The following ZNF569 variants were observed in gnomAD, a reference collection of about 807,000 sequenced individuals.
ZNF569 encodes the protein DNA-binding protein.
ZNF569 carries 38 observed loss-of-function variants against 56.3 expected under a neutral mutation model. That is an observed-to-expected ratio of 0.68 (90% CI 0.52 to 0.88). ZNF569 has a LOEUF of 0.88. Ranked by LOEUF, ZNF569 falls within the 40% of genes least tolerant of loss-of-function variation. The pLI is 0.00. For synonymous variants in ZNF569, 241 were observed against 262.9 expected (o/e 0.92, Z 0.81); for missense variants, 666 against 809.2 (o/e 0.82, Z 2.15).
chr19:37,428,477 A>G (rs921784161), intron 3 of ZNF569, among the ~76,000 whole-genome samples: 1 of 148,046 alleles, frequency 6.8e-6, no homozygotes, highest in Non-Finnish European at 1.5e-5. Flanking sequence ...CCATGATCTC[A>G]CCACTGCATT....
intron 3 of ZNF569, among the ~76,000 whole-genome samples, chr19:37,430,901 T>C (rs1194592069): frequency 1.3e-5 from 2 of 152,316 alleles, no homozygotes; most frequent in South Asian, 2.1e-4. Context: ...ACCAGAGTGA[T>C]TGCAGGACTT....
intron 2 of ZNF569, among the ~76,000 whole-genome samples, chr19:37,459,194 T>C (rs1464317660): frequency 2.6e-5 from 4 of 151,058 alleles, no homozygotes; most frequent in African/African-American, 4.9e-5. Context: ...CACCAAACCA[T>C]AGGCTGAGGA....
intron 2 of ZNF569, among the ~76,000 whole-genome samples, chr19:37,462,853 C>T (rs1251626172): frequency 6.6e-6 from 1 of 152,134 alleles, no homozygotes; most frequent in Non-Finnish European, 1.5e-5. Flanking sequence ...AAATATATGT[C>T]TCCATCCTAG....
intron 5 of ZNF569, among the ~76,000 whole-genome samples, chr19:37,423,981 ATATATG>A (rs1775650266): frequency 6.6e-6 from 1 of 152,196 alleles, no homozygotes; most frequent in South Asian, 2.1e-4. Flanking sequence ...ATATGGACAT[ATATATG>A]TATATGTATA....
rs2040856169 is a variant in ZNF569 at position 37,412,620 on chromosome 19, G to A, written c.2038C>T (p.His680Tyr). ...AFSQKSHLVR[H>Y]QRIHTH is the part of the protein sequence containing the mutation. ...TTCTAATGAGTATGAATTCTCTGGT[G>A]TCTAACAAGGTGCGACTTTTGGCTG... is the stretch of plus-strand genomic sequence containing the variant. Residue 680 changes from histidine (H) to tyrosine (Y), a missense_variant, in exon 6 of 6, where the codon CAC becomes TAC. His to Tyr is a moderately conservative substitution (Grantham distance 83, BLOSUM62 2). Coordinates refer to ENST00000316950, the MANE Select transcript of ZNF569 (RefSeq NM_152484.3). The A allele has an allele frequency of 1.2e-6, 2 of 1,605,648 alleles. No individual in the cohort carries two copies. Among genetic ancestry groups the A allele is most frequent in the Non-Finnish European group, 1.7e-6 (2 of 1,176,752 alleles).
In ZNF569 at chr19:37,414,076, G is replaced by C; in HGVS notation, c.582C>G (p.Gly194=). Residue 194 remains glycine, a synonymous_variant, in exon 6 of 6, where the codon GGC becomes GGG. Coordinates refer to ENST00000316950, the MANE Select transcript of ZNF569 (RefSeq NM_152484.3). ...TGATGAGGTCCAAAGTCTGATTGAAGCCTTTTCCACAATGATTACACTTAA... is the reference window on the plus strand; with the variant it reads ...TGATGAGGTCCAAAGTCTGATTGAACCCTTTTCCACAATGATTACACTTAA... The part of the protein sequence containing the change: ...TPFKCNHCGK[G]FNQTLDLIRH... 1 of 1,613,650 alleles carries C rather than the reference G, an allele frequency of 6.2e-7. No homozygotes were observed. Among genetic ancestry groups the C allele is most frequent in the East Asian group, 2.2e-5 (1 of 44,850 alleles).
chr19:37,460,160 T>C (rs2041734398), intron 2 of ZNF569, among the ~76,000 whole-genome samples: 1 of 152,158 alleles, frequency 6.6e-6, no homozygotes, highest in Admixed American at 6.5e-5. Flanking sequence ...TTGTTTGTTT[T>C]TGAGACAGAG....
chr19:37,468,404 A>ACCTT (rs1568758974), upstream of ZNF569, among the ~76,000 whole-genome samples: 1 of 152,128 alleles, frequency 6.6e-6, no homozygotes, highest in African/African-American at 2.4e-5. Flanking sequence ...TACCTTTAAT[A>ACCTT]AAGAGATAAT....
chr19:37,435,695 T>C (rs1456599197), intron 3 of ZNF569, among the ~76,000 whole-genome samples: 2 of 152,004 alleles, frequency 1.3e-5, no homozygotes, highest in Non-Finnish European at 2.9e-5. Context: ...AAAAAAGAGC[T>C]GGACTAGCTA....
chr19:37,432,370 G>A (rs779924210), intron 3 of ZNF569, among the ~76,000 whole-genome samples: 7 of 152,202 alleles, frequency 4.6e-5, no homozygotes, highest in African/African-American at 7.2e-5. Flanking sequence ...TCTCTACCTG[G>A]TAATCCAGAG....
intron 3 of ZNF569, among the ~76,000 whole-genome samples, chr19:37,441,527 G>A (rs538255532): frequency 1.3e-5 from 2 of 151,748 alleles, no homozygotes; most frequent in Non-Finnish European, 2.9e-5. Flanking sequence ...AGGCATGGGG[G>A]CACGTGCCTG....
chr19:37,431,214 G>A (rs1320484783), intron 3 of ZNF569, among the ~76,000 whole-genome samples: 2 of 152,132 alleles, frequency 1.3e-5, no homozygotes, highest in Admixed American at 6.5e-5. Context: ...ACACCAGCCA[G>A]GGTAGCCAAG....
chr19:37,447,758 G>C (rs2041522280), intron 2 of ZNF569, among the ~76,000 whole-genome samples: 1 of 152,108 alleles, frequency 6.6e-6, no homozygotes, highest in African/African-American at 2.4e-5. Context: ...TTTAGTAAAG[G>C]TTGTTCCCTT....
chr19:37,442,374 A>G (rs1344742372), intron 3 of ZNF569, among the ~76,000 whole-genome samples: 2 of 152,224 alleles, frequency 1.3e-5, no homozygotes, highest in Non-Finnish European at 2.9e-5. Context: ...GGGGCAAGAC[A>G]AAGTTGGTCT....
chr19:37,422,691 G>T (rs1251938789), intron 5 of ZNF569, among the ~76,000 whole-genome samples: 1 of 152,072 alleles, frequency 6.6e-6, no homozygotes, highest in African/African-American at 2.4e-5. Flanking sequence ...AACAGAAAGG[G>T]TATAAAATTT....
intron 2 of ZNF569, among the ~76,000 whole-genome samples, chr19:37,456,596 T>C (rs2041673689): frequency 6.6e-6 from 1 of 152,212 alleles, no homozygotes; most frequent in Non-Finnish European, 1.5e-5. Context: ...AACTGCCTCC[T>C]ACTTTCCTTC....
chr19:37,411,734 C>G lies in ZNF569; in HGVS notation c.*863G>C, dbSNP rs1292878541. 1.3e-5 allele frequency: 2 copies of G among 151,972 alleles called. No individual in the cohort carries two copies. The highest frequency in any genetic ancestry group is 4.8e-5 in the African/African-American group (2 of 41,424). The allele number at this position is 151,972 out of a possible 1,614,324, so 9.4% of individuals were successfully genotyped here. On this transcript the variant is annotated 3_prime_UTR_variant, in exon 6 of 6. Transcript: ENST00000316950. The stretch of plus-strand genomic sequence containing the variant: ...TAAAGTAGAAAGCTAAAATTTTTCT[C>G]CTATGAACCTTCCATTTATTAAATA...
upstream of ZNF569, chr19:37,469,230 G>T: frequency 7.4e-7 from 1 of 1,358,550 alleles, no homozygotes; most frequent in Non-Finnish European, 9.5e-7. Flanking sequence ...GCGCGGAGCT[G>T]CACCGCTGCT....
intron 2 of ZNF569, among the ~76,000 whole-genome samples, chr19:37,449,705 A>T (rs2041561124): frequency 6.9e-6 from 1 of 145,852 alleles, no homozygotes; most frequent in Non-Finnish European, 1.5e-5. Flanking sequence ...CTTTTAATAT[A>T]CTTATTTATC....
Sources: allele counts gnomAD v4.1 joint callset (sites outside exome capture counted in the v4.1 genomes callset), GRCh38; gene constraint gnomAD v4.1.1; transcripts MANE v1.5; gene names NCBI Gene and HGNC (gene_info 2026-07-23, HGNC 2026-07-21).